TET3: variants seen among roughly 807,000 people sequenced by gnomAD.
TET3 encodes the protein methylcytosine dioxygenase TET3.
A neutral mutation model predicts 141.4 loss-of-function variants in TET3; 19 were observed. The ratio of observed to expected loss-of-function variants is 0.13; its 90% CI spans 0.09 to 0.20. The LOEUF is 0.20. Ranked by LOEUF, TET3 falls within the 10% of genes least tolerant of loss-of-function variation. TET3 has a pLI of 1.00. For missense variants in TET3, 1,874 were observed against 2,356.9 expected, an observed-to-expected ratio of 0.80 and a Z score of 4.24; for synonymous variants, 1,043 against 980.9, an observed-to-expected ratio of 1.06 and a Z score of -1.18.
chr2:74,087,720 C>G lies in TET3; in HGVS notation c.2680-110C>G, dbSNP rs1470669131. ...TCTTCAGGGCATGACATCCCTAGAA[C>G]CCTGCCGTTAAGACCTGCACCCTGG... On this transcript the variant is annotated intron_variant, in intron 6 of 11. Transcript: ENST00000409262. This position sits in a 1 kb window ranked among gnomAD's most constrained non-coding sequence, Gnocchi z 4.3. 1 of 1,071,250 alleles carries G rather than the reference C, an allele frequency of 9.3e-7. No individual in the cohort carries two copies. Among genetic ancestry groups the G allele is most frequent in the African/African-American group, 1.6e-5 (1 of 62,606 alleles). The allele number at this position is 1,071,250 out of a possible 1,614,324, so 66.4% of individuals were successfully genotyped here.
chr2:74,095,672 GCTTT>G (rs1382280666), intron 10 of TET3, among the ~76,000 whole-genome samples: 3 of 152,198 alleles, frequency 2.0e-5, no homozygotes, highest in Non-Finnish European at 4.4e-5. Context: ...CTTTTCTTAA[GCTTT>G]CTATGTCAGT....
chr2:74,063,649 G>A (rs1440206985), intron 4 of TET3, among the ~76,000 whole-genome samples: 2 of 152,134 alleles, frequency 1.3e-5, no homozygotes, highest in Non-Finnish European at 2.9e-5. Flanking sequence ...AAGGGATGGG[G>A]GAGGGGGAGA....
chr2:74,044,530 A>T (rs962686597), intron 3 of TET3, among the ~76,000 whole-genome samples: 1 of 152,192 alleles, frequency 6.6e-6, no homozygotes, highest in Non-Finnish European at 1.5e-5. Flanking sequence ...TATAGACATG[A>T]TGGGTTGCTA....
chr2:74,018,284 G>A (rs1201156285), intron 3 of TET3, among the ~76,000 whole-genome samples: 1 of 151,546 alleles, frequency 6.6e-6, no homozygotes, highest in African/African-American at 2.4e-5. Flanking sequence ...GTCATCTTAA[G>A]TGAGAAAACA....
chr2:74,008,694 T>G (rs901011459), intron 3 of TET3, among the ~76,000 whole-genome samples: 3 of 151,820 alleles, frequency 2.0e-5, no homozygotes, highest in Non-Finnish European at 2.9e-5. Flanking sequence ...TGCTAAAGAT[T>G]AGACAAAAAG....
chr2:74,004,406 G>A (rs1039131803), intron 3 of TET3, among the ~76,000 whole-genome samples: 22 of 152,212 alleles, frequency 1.4e-4, no homozygotes, highest in Non-Finnish European at 2.6e-4. Flanking sequence ...GGATATGGAT[G>A]CTGGTAGGGA....
chr2:74,069,465 A>G (rs1008013425), intron 4 of TET3, among the ~76,000 whole-genome samples: 1 of 151,548 alleles, frequency 6.6e-6, no homozygotes, highest in African/African-American at 2.4e-5. Context: ...AACATAGGAA[A>G]GTACCTGAAA....
chr2:74,003,198 G>A (rs754786850), intron 3 of TET3, 32 bp downstream of exon 3: 2 of 1,403,676 alleles, frequency 1.4e-6, no homozygotes, highest in Non-Finnish European at 9.8e-7. Context: ...GTGTGTGTGC[G>A]TGTGTGTGGT....
At chr2:74,025,985 G>A (rs1686329273) in intron 3 of TET3, among the ~76,000 whole-genome samples, 1 of 152,164 alleles carries the variant, frequency 6.6e-6, no homozygotes, top group Admixed American at 6.5e-5. Context: ...TGAGGAAGCT[G>A]ACTCCTTGTC....
At chr2:74,058,678 A>G (rs938546244) in intron 4 of TET3, among the ~76,000 whole-genome samples, 2 of 152,170 alleles carry the variant, frequency 1.3e-5, no homozygotes, top group Non-Finnish European at 2.9e-5. Flanking sequence ...GTACAGCTCA[A>G]TACAGTTTTA....
At chr2:74,063,981 C>G (rs898238142) in intron 4 of TET3, among the ~76,000 whole-genome samples, 3 of 151,950 alleles carry the variant, frequency 2.0e-5, no homozygotes, top group African/African-American at 7.3e-5. Context: ...TGCTGTTCTT[C>G]ATTTGATTAC....
chr2:74,109,531 T>C (rs1460547238), downstream of TET3, among the ~76,000 whole-genome samples: 3 of 152,244 alleles, frequency 2.0e-5, no homozygotes, highest in Non-Finnish European at 2.9e-5. Context: ...CCAAACTCTT[T>C]AACATCCCAA....
chr2:73,990,862 G>A (rs1684286815), intron 2 of TET3, among the ~76,000 whole-genome samples: 1 of 152,188 alleles, frequency 6.6e-6, no homozygotes, highest in Admixed American at 6.5e-5. Flanking sequence ...GTTCAGGCTG[G>A]TCTCAGCATC....
intron 2 of TET3, among the ~76,000 whole-genome samples, chr2:73,997,196 G>C (rs893604440): frequency 6.6e-6 from 1 of 152,248 alleles, no homozygotes; most frequent in African/African-American, 2.4e-5. Context: ...CCTAATTACT[G>C]CTGGGTGGGG....
rs76732833 is a variant in TET3 at position 74,103,965 on chromosome 2, C to T, written c.*1789C>T. 0.02 allele frequency: 3,043 copies of T among 153,622 alleles called. 92 individuals carry two copies. Among genetic ancestry groups the T allele is most frequent in the African/African-American group, 0.068 (2,810 of 41,486 alleles). 9.5% of individuals were successfully genotyped at this position (153,622 alleles called of 1,614,324 possible). ...CGCTATAGGCAAGTTCCTGAGCTTC[C>T]GGGTGCCTTGAGTAAGAGCTGAGAA... On this transcript the variant is annotated 3_prime_UTR_variant, in exon 12 of 12. Transcript: ENST00000409262.
At chr2:73,988,049 C>T (rs912201952) in intron 2 of TET3, among the ~76,000 whole-genome samples, 1 of 152,180 alleles carries the variant, frequency 6.6e-6, no homozygotes, top group African/African-American at 2.4e-5. Context: ...ACTGCAGACT[C>T]GGGGCCCTGT....
chr2:74,099,582 C>A lies in TET3; in HGVS notation c.3574C>A (p.Leu1192Met). 1 of 1,595,456 alleles carries A rather than the reference C, an allele frequency of 6.3e-7. No individual in the cohort carries two copies. Residue 1192 changes from leucine (L) to methionine (M), a missense_variant, in exon 11 of 12, where the codon CTG becomes ATG. This residue lies in a region of TET3 where 602 missense variants were observed against 590.2 expected (regional missense o/e 1.02). Transcript: ENST00000409262. ...STPEKIKQEA[L>M]ELAGITSDPG... ...TCCGGAGAAGATCAAGCAGGAGGCC[C>A]TGGAGCTGGCGGGCATTACGTCGGA...
downstream of TET3, chr2:74,108,288 C>T (rs1691615093): frequency 6.5e-6 from 1 of 153,818 alleles, no homozygotes; most frequent in Non-Finnish European, 1.5e-5. Flanking sequence ...AAATGAAGCC[C>T]TCACTAATAG....
the TET3 span, among the ~76,000 whole-genome samples, chr2:74,115,397 A>G: frequency 6.6e-6 from 1 of 152,210 alleles, no homozygotes; most frequent in Non-Finnish European, 1.5e-5. Flanking sequence ...AGAGAGGTAT[A>G]ACGGACATTA....
Sources: allele counts gnomAD v4.1 joint callset (sites outside exome capture counted in the v4.1 genomes callset), GRCh38; gene constraint gnomAD v4.1.1; regional missense constraint gnomAD v4.1.1; non-coding constraint Gnocchi (gnomAD v3.1); transcripts MANE v1.5; gene names NCBI Gene and HGNC (gene_info 2026-07-23, HGNC 2026-07-21).